SLC28A1: variants seen among roughly 807,000 people sequenced by gnomAD.
SLC28A1 encodes the protein sodium/nucleoside cotransporter 1.
SLC28A1 carries 64 observed loss-of-function variants against 74.8 expected under a neutral mutation model. That is an observed-to-expected ratio of 0.86 (90% CI 0.70 to 1.05). SLC28A1 has a LOEUF of 1.05. SLC28A1 is among the 50% of genes least tolerant of loss of function. SLC28A1 has a pLI of 0.00. For synonymous variants in SLC28A1, 359 were observed against 335.0 expected (o/e 1.07, Z -0.78); for missense variants, 828 against 822.8 (o/e 1.01, Z -0.08).
At position 84,904,119 on chromosome 15, in the gene SLC28A1, C is replaced by T. The variant is rs534401589; in HGVS notation, c.484C>T (p.Leu162=). 3 of 1,614,222 alleles carry T rather than the reference C, an allele frequency of 1.9e-6. No individual in the cohort carries two copies. The highest frequency in any genetic ancestry group is 2.7e-5 in the African/African-American group (2 of 75,052). Residue 162 remains leucine, a synonymous_variant, in exon 7 of 19, where the codon CTG becomes TTG. Transcript: ENST00000394573. ...FKRGLALAAF[L]GLVLWLSLDT... is the part of the protein sequence containing the mutation. ...CAGGGGTCTAGCTCTTGCTGCTTTC[C>T]TGGGCCTGGTCCTGTGGCTGTCTCT... is the stretch of plus-strand genomic sequence containing the variant.
At chr15:84,917,752 G>A (rs1461212929) in intron 9 of SLC28A1, among the ~76,000 whole-genome samples, 3 of 152,152 alleles carry the variant, frequency 2.0e-5, no homozygotes. Context: ...CCTAGGTGAT[G>A]AAACTAGTCT....
At chr15:84,901,604 A>G (rs1966699246) in intron 6 of SLC28A1, among the ~76,000 whole-genome samples, 1 of 152,260 alleles carries the variant, frequency 6.6e-6, no homozygotes, top group Non-Finnish European at 1.5e-5. Context: ...AAATAAGTAC[A>G]TGGTAAGATG....
intron 12 of SLC28A1, among the ~76,000 whole-genome samples, chr15:84,929,980 C>T (rs796069848): frequency 2.0e-5 from 3 of 152,180 alleles, no homozygotes; most frequent in Admixed American, 6.5e-5. Flanking sequence ...GAGTAGCTGG[C>T]AGTGGGGAGG....
intron 15 of SLC28A1, among the ~76,000 whole-genome samples, chr15:84,940,239 A>G (rs1972494349): frequency 6.6e-6 from 1 of 152,320 alleles, no homozygotes; most frequent in African/African-American, 2.4e-5. Context: ...GCTGTGTGCC[A>G]ACAAGAGCCT....
chr15:84,957,244 C>T, the SLC28A1 span, among the ~76,000 whole-genome samples: 7 of 152,050 alleles, frequency 4.6e-5, no homozygotes, highest in South Asian at 1.0e-3. Context: ...TTCTTTTGCA[C>T]GTAGTTTTTT....
the SLC28A1 span, among the ~76,000 whole-genome samples, chr15:84,970,808 A>G: frequency 0.78 from 118,369 of 151,772 alleles, 46,682 homozygotes; most frequent in South Asian, 0.87. Context: ...GACCAGCCTG[A>G]GCAACATGGT....
intron 5 of SLC28A1, 148 bp downstream of exon 5, chr15:84,890,682 G>C (rs987723108): frequency 2.1e-5 from 15 of 716,508 alleles, no homozygotes; most frequent in Non-Finnish European, 3.7e-5. Context: ...GGGTACTGAG[G>C]CATCTGTTAA....
rs754493319 is a variant in SLC28A1, at chr15:84,905,672, C to T, written c.717+20C>T. The T allele has an allele frequency of 1.3e-5, 20 of 1,542,730 alleles. 1 individual carries two copies. The South Asian group carries it at 1.8e-4, about 14-fold the overall frequency. On this transcript the variant is annotated intron_variant, in intron 8 of 18. Transcript: ENST00000394573. Reference sequence around the variant, plus strand: ...ATCCGGGTAGGTATGTGGGGTCTGGCTGCCCAGAGCATCTTAGATTACTGG... The same window carrying T: ...ATCCGGGTAGGTATGTGGGGTCTGGTTGCCCAGAGCATCTTAGATTACTGG...
At position 84,936,356 on chromosome 15, in the gene SLC28A1, C is replaced by T. The variant is rs146658546; in HGVS notation, c.1581+838C>T. Among the ~76,000 whole-genome samples, 228 of 152,126 alleles carry T rather than the reference C, an allele frequency of 1.5e-3. 1 individual carries two copies. The highest frequency in any genetic ancestry group is 5.2e-3 in the African/African-American group (217 of 41,516). ...CACTGCAACTTCCACCTCCCGGGTTCGAGTGATTCTCGTGTCTCAGCCTCC... is the reference window on the plus strand; with the variant it reads ...CACTGCAACTTCCACCTCCCGGGTTTGAGTGATTCTCGTGTCTCAGCCTCC... On this transcript the variant is annotated intron_variant, in intron 15 of 18. Coordinates refer to ENST00000394573, the MANE Select transcript of SLC28A1 (RefSeq NM_004213.5).
intron 8 of SLC28A1, among the ~76,000 whole-genome samples, chr15:84,906,689 G>A (rs1418152968): frequency 7.3e-6 from 1 of 136,218 alleles, no homozygotes; most frequent in Admixed American, 8.2e-5. Context: ...TCCCTATGTT[G>A]CCCAGGCTGG....
chr15:84,956,446 T>TTCCTTCCTTC, the SLC28A1 span, among the ~76,000 whole-genome samples: 3,374 of 81,110 alleles, frequency 0.042, 28 homozygotes, highest in Middle Eastern at 0.065. Flanking sequence ...TTCCTTCCTT[T>TTCCTTCCTTC]CTTTCTTTCT....
At chr15:84,918,486 G>A (rs1283421276) in intron 9 of SLC28A1, 38 bp from the exon 10 acceptor site, 9 of 1,557,448 alleles carry the variant, frequency 5.8e-6, no homozygotes, top group Non-Finnish European at 8.0e-6. Context: ...CATCCTGCCT[G>A]CCTCTAACCT....
chr15:84,971,820 T>C, the SLC28A1 span, among the ~76,000 whole-genome samples: 1 of 152,136 alleles, frequency 6.6e-6, no homozygotes, highest in South Asian at 2.1e-4. Flanking sequence ...CGGCTAATTT[T>C]TGTATTTTTA....
At chr15:84,902,357 G>A (rs1333808333) in intron 6 of SLC28A1, among the ~76,000 whole-genome samples, 2 of 152,130 alleles carry the variant, frequency 1.3e-5, no homozygotes, top group Middle Eastern at 3.4e-3. Flanking sequence ...GTGCATCCCT[G>A]TAGTCCCAGC....
At chr15:84,928,434 C>G in intron 12 of SLC28A1, among the ~76,000 whole-genome samples, 1 of 151,864 alleles carries the variant, frequency 6.6e-6, no homozygotes, top group Non-Finnish European at 1.5e-5. Flanking sequence ...CTTCCTTCCC[C>G]AGTCAGTTCC....
chr15:84,894,243 G>A (rs1965688361), intron 5 of SLC28A1, among the ~76,000 whole-genome samples: 1 of 151,834 alleles, frequency 6.6e-6, no homozygotes, highest in Admixed American at 6.6e-5. Context: ...ATGGCGGTGG[G>A]CAACTGTAAT....
chr15:84,975,504 G>T, the SLC28A1 span: 2 of 456,084 alleles, frequency 4.4e-6, no homozygotes, highest in Non-Finnish European at 4.4e-6. Context: ...CTTGCTCTTA[G>T]GATATTCAAA....
chr15:84,968,332 G>T, the SLC28A1 span, among the ~76,000 whole-genome samples: 1 of 152,262 alleles, frequency 6.6e-6, no homozygotes, highest in South Asian at 2.1e-4. Flanking sequence ...GGTTGTTCTG[G>T]CTCAGGGTCT....
intron 3 of SLC28A1, among the ~76,000 whole-genome samples, chr15:84,888,406 A>AC (rs1964860934): frequency 3.9e-5 from 5 of 127,824 alleles, no homozygotes; most frequent in African/African-American, 1.4e-4. Flanking sequence ...CCCACCCCCC[A>AC]CCCAAAACAG....
Sources: gnomAD v4.1 joint callset for allele counts (sites outside exome capture counted in the v4.1 genomes callset) on GRCh38, gnomAD v4.1.1 for gene constraint, MANE v1.5 for transcripts, NCBI Gene and HGNC (gene_info 2026-07-23, HGNC 2026-07-21) for gene names.